MRPS27: variants seen among roughly 807,000 people sequenced by gnomAD.
The protein encoded by MRPS27 is mitochondrial ribosomal protein S27.
In MRPS27, 43 loss-of-function variants were observed where a neutral mutation model predicts 48.9. The ratio of observed to expected loss-of-function variants is 0.88; its 90% confidence interval spans 0.69 to 1.13. MRPS27 has a LOEUF of 1.13. Ranked by LOEUF, MRPS27 falls within the 50% of genes most tolerant of loss-of-function variation. The pLI is 0.00. For synonymous variants in MRPS27, 188 were observed against 171.9 expected (o/e 1.09, Z -0.73); for missense variants, 467 against 476.3 (o/e 0.98, Z 0.18).
intron 4 of MRPS27, among the ~76,000 whole-genome samples, chr5:72,272,730 G>A (rs12518969): frequency 6.6e-6 from 1 of 152,118 alleles, no homozygotes; most frequent in East Asian, 1.9e-4. Context: ...CCTGAAGATC[G>A]TACTGGAGAC....
intron 4 of MRPS27, among the ~76,000 whole-genome samples, chr5:72,252,145 C>G (rs1748683848): frequency 6.6e-6 from 1 of 152,142 alleles, no homozygotes; most frequent in Non-Finnish European, 1.5e-5. Context: ...TGATTTAAGA[C>G]AGGCTCAAAA....
chr5:72,237,863 T>G, intron 5 of MRPS27, 151 bp downstream of exon 5: 1 of 551,066 alleles, frequency 1.8e-6, no homozygotes, highest in Non-Finnish European at 3.3e-6. Context: ...AATGAACTTA[T>G]ACCCAGCTCC....
At chr5:72,294,880 A>G (rs1316503972) in intron 4 of MRPS27, 1 of 152,162 alleles carries the variant, frequency 6.6e-6, no homozygotes, top group African/African-American at 2.4e-5. Context: ...TTGAGCACCA[A>G]CATGATGTTC....
At chr5:72,286,425 T>C (rs1749675522) in intron 4 of MRPS27, among the ~76,000 whole-genome samples, 1 of 152,066 alleles carries the variant, frequency 6.6e-6, no homozygotes, top group South Asian at 2.1e-4. Flanking sequence ...AACAAAGAAG[T>C]CCAGAAATAG....
intron 9 of MRPS27, among the ~76,000 whole-genome samples, chr5:72,224,198 TA>T (rs758146277): frequency 0.066 from 9,122 of 137,188 alleles, 409 homozygotes; most frequent in African/African-American, 0.14. Context: ...CTCCATCACT[TA>T]AAAAAAAAAA....
At chr5:72,236,288 C>G (rs747900175) in intron 5 of MRPS27, among the ~76,000 whole-genome samples, 1 of 152,096 alleles carries the variant, frequency 6.6e-6, no homozygotes, top group African/African-American at 2.4e-5. Context: ...CCCTAATGGG[C>G]AGCCAGAGTT....
chr5:72,290,999 C>A (rs1749802708), intron 4 of MRPS27, among the ~76,000 whole-genome samples: 1 of 152,104 alleles, frequency 6.6e-6, no homozygotes, highest in Non-Finnish European at 1.5e-5. Flanking sequence ...GGAAATGCTC[C>A]TGTCTAGCAC....
intron 4 of MRPS27, among the ~76,000 whole-genome samples, chr5:72,257,024 G>A (rs1187509201): frequency 6.6e-6 from 1 of 152,178 alleles, no homozygotes; most frequent in Admixed American, 6.5e-5. Flanking sequence ...TATAGGAGAT[G>A]TACAATCATG....
chr5:72,286,182 G>A (rs550430829), intron 4 of MRPS27, among the ~76,000 whole-genome samples: 30 of 152,134 alleles, frequency 2.0e-4, no homozygotes, highest in African/African-American at 6.5e-4. Flanking sequence ...ATGCATGTGC[G>A]TGTGTGTATA....
intron 8 of MRPS27, chr5:72,227,964 C>T (rs1023521664): frequency 1.9e-5 from 8 of 411,628 alleles, no homozygotes; most frequent in Non-Finnish European, 2.6e-5. Context: ...TAGCTAGTCT[C>T]CCTAAACAGG....
At chr5:72,250,496 C>A (rs1349244140) in intron 4 of MRPS27, among the ~76,000 whole-genome samples, 1 of 152,086 alleles carries the variant, frequency 6.6e-6, no homozygotes, top group African/African-American at 2.4e-5. Flanking sequence ...AGAGAGGACT[C>A]GATGCCACTT....
At chr5:72,295,622 T>G in intron 3 of MRPS27, 33 bp from the exon 4 acceptor site, 1 of 1,538,568 alleles carries the variant, frequency 6.5e-7, no homozygotes, top group Non-Finnish European at 9.0e-7. Flanking sequence ...TTTGGTTGAA[T>G]ATAAATTATG....
At chr5:72,226,769 C>T (rs953522154) in intron 8 of MRPS27, among the ~76,000 whole-genome samples, 18 of 152,206 alleles carry the variant, frequency 1.2e-4, no homozygotes, top group African/African-American at 4.3e-4. Flanking sequence ...ACAGAGTTCT[C>T]ATGATCTTTT....
chr5:72,284,708 CA>C (rs1749624790), intron 4 of MRPS27, among the ~76,000 whole-genome samples: 1 of 152,130 alleles, frequency 6.6e-6, no homozygotes, highest in South Asian at 2.1e-4. Context: ...TACACATAAG[CA>C]TCAAAGCACA....
At chr5:72,234,792 G>A (rs1415633136) in intron 5 of MRPS27, among the ~76,000 whole-genome samples, 2 of 152,032 alleles carry the variant, frequency 1.3e-5, no homozygotes, top group Non-Finnish European at 2.9e-5. Context: ...AGATTCCTAC[G>A]TCTCAGACCT....
chr5:72,229,141 C>A (rs1445187308), intron 7 of MRPS27: 1 of 152,330 alleles, frequency 6.6e-6, no homozygotes, highest in Middle Eastern at 3.4e-3. Context: ...CATGAGTACA[C>A]AGTGGACAGA....
At position 72,220,332 on chromosome 5, in the gene MRPS27, C is replaced by A. The variant is rs1050481695; in HGVS notation, c.*577G>T. 1.3e-5 allele frequency: 2 copies of A among 152,698 alleles called. No homozygotes were observed. Among genetic ancestry groups the A allele is most frequent in the African/African-American group, 2.4e-5 (1 of 41,440 alleles). 9.5% of individuals were successfully genotyped at this position (152,698 alleles called of 1,614,324 possible). On this transcript the variant is annotated 3_prime_UTR_variant, in exon 11 of 11. Transcript: ENST00000261413. ...GGTCAGGAGGTTGAGACCAGCCTGA[C>A]CAACATGGTGAAACCCCATCTCTAC...
chr5:72,237,327 T>G (rs183252176), intron 5 of MRPS27, among the ~76,000 whole-genome samples: 239 of 152,240 alleles, frequency 1.6e-3, no homozygotes, highest in Admixed American at 3.0e-3. Flanking sequence ...ATAATATATA[T>G]TAAGTTGAAC....
At chr5:72,279,576 G>A (rs2112030995) in intron 4 of MRPS27, among the ~76,000 whole-genome samples, 1 of 152,172 alleles carries the variant, frequency 6.6e-6, no homozygotes, top group Non-Finnish European at 1.5e-5. Flanking sequence ...GAGCAACACA[G>A]CGAGACCCTG....
Sources: gnomAD v4.1 joint callset for allele counts (sites outside exome capture counted in the v4.1 genomes callset) on GRCh38, gnomAD v4.1.1 for gene constraint, MANE v1.5 for transcripts, NCBI Gene and HGNC (gene_info 2026-07-23, HGNC 2026-07-21) for gene names.